Variants in IFT52 observed in about 807,000 individuals in gnomAD.
The protein encoded by IFT52 is intraflagellar transport protein 52 homolog.
Under a neutral mutation model 54.4 loss-of-function variants are expected in IFT52, and 44 were observed. The ratio of observed to expected loss-of-function variants is 0.81; its 90% confidence interval spans 0.63 to 1.04. The LOEUF is 1.04. IFT52 is among the 50% of genes least tolerant of loss of function. The pLI, the probability that IFT52 is intolerant of heterozygous loss-of-function variation, is 0.00. For synonymous variants in IFT52, 181 were observed against 185.3 expected (o/e 0.98, Z 0.19); for missense variants, 452 against 523.6 (o/e 0.86, Z 1.33).
At chr20:43,640,221 C>T (rs1163286952) in intron 12 of IFT52, among the ~76,000 whole-genome samples, 1 of 152,068 alleles carries the variant, frequency 6.6e-6, no homozygotes, top group Admixed American at 6.6e-5. Context: ...CTTTGGGAGG[C>T]CGAGGCAGGT....
intron 1 of IFT52, 141 bp from the exon 2 acceptor site, chr20:43,594,552 G>A: frequency 1.7e-6 from 1 of 601,332 alleles, no homozygotes. Flanking sequence ...CTCAACCTTT[G>A]AGAATTGTAG....
chr20:43,641,541 T>G (rs1056418962), intron 12 of IFT52, among the ~76,000 whole-genome samples: 5 of 151,146 alleles, frequency 3.3e-5, no homozygotes, highest in Admixed American at 3.3e-4. Context: ...TCCCCCAGGC[T>G]GGAGTGCAAT....
rs112579971 is a variant in IFT52 at position 43,636,892 on chromosome 20, G to A, written c.1012-253G>A. ...TGGGCTAATAATCTTTCTTGGTATG[G>A]GTCTAATGGGTGAGGGTAGACGAGG... On this transcript the variant is annotated intron_variant, in intron 11 of 13. Transcript: ENST00000373030. Among the ~76,000 whole-genome samples the A allele has an allele frequency of 7.6e-4, 115 of 152,220 alleles. 1 individual carries two copies. The highest frequency in any genetic ancestry group is 2.6e-3 in the African/African-American group (106 of 41,530).
chr20:43,606,844 C>G (rs1029309621), intron 6 of IFT52, among the ~76,000 whole-genome samples: 4 of 152,166 alleles, frequency 2.6e-5, no homozygotes, highest in Admixed American at 2.0e-4. Flanking sequence ...TTGCACCGCC[C>G]TTAATCCATT....
Position 43,596,501 on chromosome 20 carries a change from G to T in IFT52, c.186G>T (p.Arg62Ser). The T allele has an allele frequency of 6.2e-7, 1 of 1,604,650 alleles. No homozygotes were observed. Among genetic ancestry groups the T allele is most frequent in the South Asian group, 1.1e-5 (1 of 90,398 alleles). Residue 62 changes from arginine (R) to serine (S), a missense_variant, in exon 3 of 14, where the codon AGG becomes AGT. Arg to Ser is a moderately radical substitution (Grantham distance 110). Coordinates refer to ENST00000373030, the MANE Select transcript of IFT52 (RefSeq NM_016004.5). ...GVKLWITAGP[R>S]EKFTAAEFEI... Reference sequence around the variant, plus strand: ...AACTGTGGATTACAGCTGGGCCAAGGGAAAAATTTACTGCAGCTGAGGTAA... The same window carrying T: ...AACTGTGGATTACAGCTGGGCCAAGTGAAAAATTTACTGCAGCTGAGGTAA...
rs6031002 is a variant in IFT52, at chr20:43,633,730, G to A, written c.924-2196G>A. 1.6e-3 allele frequency among the ~76,000 whole-genome samples: 238 copies of A among 151,558 alleles called. 1 individual carries two copies. The highest frequency in any genetic ancestry group is 5.4e-3 in the African/African-American group (225 of 41,404). Reference sequence around the variant, plus strand: ...CTCAAAAAAATAAATAAATAAAAGAGAATTTGGCTGCCTTAGGTGAGCAGT... The same window carrying A: ...CTCAAAAAAATAAATAAATAAAAGAAAATTTGGCTGCCTTAGGTGAGCAGT... On this transcript the variant is annotated intron_variant, in intron 10 of 13. Transcript: ENST00000373030.
intron 9 of IFT52, 49 bp from the exon 10 acceptor site, chr20:43,623,842 T>TA (rs764408660): frequency 1.6e-5 from 25 of 1,587,798 alleles, no homozygotes; most frequent in Non-Finnish European, 2.1e-5. Flanking sequence ...CTTGACAGAA[T>TA]AAATGCTTGC....
At chr20:43,593,677 C>T (rs1004556624) in intron 1 of IFT52, among the ~76,000 whole-genome samples, 2 of 152,132 alleles carry the variant, frequency 1.3e-5, no homozygotes, top group African/African-American at 2.4e-5. Flanking sequence ...TCAAGCAATC[C>T]TTTCACCTCA....
chr20:43,598,672 C>T (rs756148457), intron 3 of IFT52, among the ~76,000 whole-genome samples: 5 of 151,936 alleles, frequency 3.3e-5, no homozygotes, highest in East Asian at 1.9e-4. Context: ...TCCAGCCTGG[C>T]GACAGAGACC....
chr20:43,628,410 C>A (rs565953906), intron 10 of IFT52, among the ~76,000 whole-genome samples: 1 of 152,070 alleles, frequency 6.6e-6, no homozygotes, highest in African/African-American at 2.4e-5. Context: ...GCTTTGTTTA[C>A]GCTGTAAAGG....
At position 43,636,014 on chromosome 20, in the gene IFT52, G is replaced by C; in HGVS notation, c.1011+1G>C. On this transcript the variant is annotated splice_donor_variant, in intron 11 of 13. Coordinates refer to ENST00000373030, the MANE Select transcript of IFT52 (RefSeq NM_016004.5). LOFTEE classifies it high-confidence loss of function. ...GCCGCTGCCAACCCTTCAGCCTGCG[G>C]TGAGTAGGTGTGCTTGGGAGATCCC... is the stretch of plus-strand genomic sequence containing the variant. The C allele has an allele frequency of 6.2e-7, 1 of 1,613,982 alleles. No homozygotes were observed. Among genetic ancestry groups the C allele is most frequent in the Non-Finnish European group, 8.5e-7 (1 of 1,179,898 alleles).
chr20:43,597,613 G>T (rs2145586248), intron 3 of IFT52, among the ~76,000 whole-genome samples: 1 of 152,242 alleles, frequency 6.6e-6, no homozygotes, highest in South Asian at 2.1e-4. Context: ...CCATATGATG[G>T]CTGTGTGTGG....
At position 43,613,946 on chromosome 20, in the gene IFT52, C is replaced by A; in HGVS notation, c.582C>A (p.Asn194Lys). 7.4e-6 allele frequency: 12 copies of A among 1,614,064 alleles called. No individual in the cohort carries two copies. Among genetic ancestry groups the A allele is most frequent in the Non-Finnish European group, 1.0e-5 (12 of 1,179,912 alleles). ...CAGGTTCTGTCTGCTTCCCACTTAA[C>A]AGACCCATTTTGGCTTTCTATCACT... is the stretch of plus-strand genomic sequence containing the variant. Reference protein sequence around the residue: ...LSTGSVCFPLNRPILAFYHSK... With the variant: ...LSTGSVCFPLKRPILAFYHSK... Residue 194 changes from asparagine (N) to lysine (K), a missense_variant, in exon 7 of 14, where the codon AAC becomes AAA. Coordinates refer to ENST00000373030, the MANE Select transcript of IFT52 (RefSeq NM_016004.5).
At chr20:43,604,874 A>G (rs756492380) in intron 5 of IFT52, 128 bp from the exon 6 acceptor site, 3 of 841,356 alleles carry the variant, frequency 3.6e-6, no homozygotes, top group African/African-American at 1.7e-5. Flanking sequence ...AACACAGTTC[A>G]CTGCAGCCTT....
intron 2 of IFT52, among the ~76,000 whole-genome samples, chr20:43,595,306 G>C (rs1404563794): frequency 9.3e-6 from 1 of 107,326 alleles, no homozygotes; most frequent in Non-Finnish European, 1.7e-5. Flanking sequence ...AACAGAGTGA[G>C]ACTCCGTCTC....
intron 6 of IFT52, 77 bp downstream of exon 6, chr20:43,605,150 T>A: frequency 6.4e-7 from 1 of 1,567,710 alleles, no homozygotes; most frequent in East Asian, 2.3e-5. Context: ...AAAGAGCTTT[T>A]GTTTCTGGTT....
intron 7 of IFT52, among the ~76,000 whole-genome samples, chr20:43,618,595 C>T (rs566871170): frequency 9.2e-5 from 14 of 152,204 alleles, no homozygotes; most frequent in Non-Finnish European, 1.3e-4. Context: ...GATTTCCCTG[C>T]CTCAGCCTCC....
In IFT52 at chr20:43,645,291, C is replaced by T. The variant is rs533718846; in HGVS notation, c.1267-1645C>T. Among the ~76,000 whole-genome samples the T allele has an allele frequency of 3.3e-4, 19 of 58,360 alleles. 9 individuals are homozygous for T. The East Asian group carries it at 0.011, about 34-fold the overall frequency. The allele number at this position is 58,360 out of a possible 152,430, so 38.3% of individuals were successfully genotyped here. A position where few individuals can be genotyped will look rare whatever the true frequency, so the allele number is the denominator to read the frequency against. ...CCTTGGGGCCCAGTGCGGTGGCTCA[C>T]GCCTGTAATTAATCCCAGCACTTTG... On this transcript the variant is annotated intron_variant, in intron 13 of 13. Transcript: ENST00000373030.
At chr20:43,636,635 T>C (rs1985557853) in intron 11 of IFT52, among the ~76,000 whole-genome samples, 1 of 152,232 alleles carries the variant, frequency 6.6e-6, no homozygotes, top group Admixed American at 6.5e-5. Flanking sequence ...GGTTCATACC[T>C]ACAAAATGTG....
Sources: allele counts gnomAD v4.1 joint callset (sites outside exome capture counted in the v4.1 genomes callset), GRCh38; gene constraint gnomAD v4.1.1; transcripts MANE v1.5; gene names NCBI Gene and HGNC (gene_info 2026-07-23, HGNC 2026-07-21).